Variants in KIZ observed in about 807,000 individuals in gnomAD.
KIZ encodes centrosomal protein kizuna.
A neutral mutation model predicts 79.6 loss-of-function variants in KIZ; 68 were observed. That is an observed-to-expected ratio of 0.85 (90% CI 0.70 to 1.05). The LOEUF (loss-of-function observed/expected upper bound fraction) is 1.05, where lower values mean the gene tolerates loss of function less well. Ranked by LOEUF, KIZ falls within the 50% of genes least tolerant of loss-of-function variation. KIZ has a pLI of 0.00. For missense variants in KIZ, 797 were observed against 800.4 expected (o/e 1.00, Z 0.05); for synonymous variants, 280 against 281.8 (o/e 0.99, Z 0.06).
intron 6 of KIZ, among the ~76,000 whole-genome samples, chr20:21,174,547 C>G (rs1371487958): frequency 1.3e-5 from 2 of 152,164 alleles, no homozygotes; most frequent in Non-Finnish European, 2.9e-5. Flanking sequence ...TAAGCAGTGG[C>G]AATTTGACCT....
chr20:21,180,538 A>G (rs1453841227), intron 6 of KIZ, among the ~76,000 whole-genome samples: 1 of 152,192 alleles, frequency 6.6e-6, no homozygotes, highest in South Asian at 2.1e-4. Flanking sequence ...AAATCCTACT[A>G]CGGGTGTAGC....
At chr20:21,216,894 G>A (rs1247297840) in intron 9 of KIZ, among the ~76,000 whole-genome samples, 5 of 152,108 alleles carry the variant, frequency 3.3e-5, no homozygotes, top group Non-Finnish European at 5.9e-5. Context: ...GGGAGTAGTT[G>A]ACTCTCCCCA....
At chr20:21,151,498 G>A (rs890051102) in intron 4 of KIZ, 3 of 152,096 alleles carry the variant, frequency 2.0e-5, no homozygotes, top group African/African-American at 7.2e-5. Flanking sequence ...AAAAAAAGTG[G>A]ATGAGAAGGG....
At chr20:21,127,582 G>A (rs1223841528) in intron 1 of KIZ, among the ~76,000 whole-genome samples, 2 of 152,138 alleles carry the variant, frequency 1.3e-5, no homozygotes, top group African/African-American at 4.8e-5. Context: ...GCCTGTTCAC[G>A]GTTCTGCATT....
chr20:21,244,381 C>A, intron 12 of KIZ, 93 bp downstream of exon 12: 1 of 888,636 alleles, frequency 1.1e-6, no homozygotes, highest in Non-Finnish European at 1.9e-6. Flanking sequence ...TCATGTGAGT[C>A]CTGAAGCGGG....
chr20:21,220,847 T>G (rs1001548017), intron 9 of KIZ, among the ~76,000 whole-genome samples: 5 of 152,168 alleles, frequency 3.3e-5, no homozygotes, highest in African/African-American at 9.7e-5. Context: ...TAAACATCAG[T>G]GTACATCATA....
chr20:21,182,800 C>CA (rs763359536), intron 6 of KIZ, among the ~76,000 whole-genome samples: 7,093 of 82,512 alleles, frequency 0.086, 212 homozygotes, highest in Non-Finnish European at 0.099. Context: ...GTCCCCCCAC[C>CA]AAAAAAAAAA....
intron 6 of KIZ, chr20:21,196,598 T>C (rs1028660334): frequency 6.6e-6 from 1 of 152,230 alleles, no homozygotes; most frequent in South Asian, 2.1e-4. Flanking sequence ...ATAAGAGGTA[T>C]TCATAGGTAC....
intron 10 of KIZ, among the ~76,000 whole-genome samples, chr20:21,229,585 T>C (rs529153953): frequency 6.6e-6 from 1 of 152,236 alleles, no homozygotes; most frequent in Non-Finnish European, 1.5e-5. Flanking sequence ...TATTTCATTT[T>C]ATTTTATTGT....
At chr20:21,183,892 G>C (rs2034766341) in intron 6 of KIZ, among the ~76,000 whole-genome samples, 2 of 152,084 alleles carry the variant, frequency 1.3e-5, no homozygotes, top group Non-Finnish European at 2.9e-5. Context: ...CAGTTCTTAG[G>C]CCCTGCAGCT....
At chr20:21,175,893 G>A (rs1207080189) in intron 6 of KIZ, among the ~76,000 whole-genome samples, 2 of 152,176 alleles carry the variant, frequency 1.3e-5, no homozygotes, top group African/African-American at 4.8e-5. Flanking sequence ...GCACACGCCT[G>A]TATTCCCAGC....
chr20:21,161,813 A>G, intron 4 of KIZ, 58 bp from the exon 5 acceptor site: 1 of 1,087,986 alleles, frequency 9.2e-7, no homozygotes, highest in Non-Finnish European at 1.3e-6. Context: ...AAAAAAAAAA[A>G]CCCCACCTAA....
intron 10 of KIZ, among the ~76,000 whole-genome samples, chr20:21,230,519 C>T (rs1228191116): frequency 6.6e-6 from 1 of 152,162 alleles, no homozygotes; most frequent in Non-Finnish European, 1.5e-5. Context: ...AAGGGACATA[C>T]TTACAGTACA....
chr20:21,171,634 A>G (rs1316910384), intron 6 of KIZ, among the ~76,000 whole-genome samples: 1 of 152,070 alleles, frequency 6.6e-6, no homozygotes, highest in East Asian at 1.9e-4. Context: ...TAGTAGAGAT[A>G]GGGTTTCACC....
At chr20:21,199,544 G>A (rs2035501728) in intron 6 of KIZ, among the ~76,000 whole-genome samples, 1 of 152,124 alleles carries the variant, frequency 6.6e-6, no homozygotes, top group Non-Finnish European at 1.5e-5. Context: ...CCAAGTGTTT[G>A]TGACCTTTGA....
At chr20:21,216,253 A>T (rs189671092) in intron 9 of KIZ, among the ~76,000 whole-genome samples, 6 of 152,296 alleles carry the variant, frequency 3.9e-5, no homozygotes, top group African/African-American at 1.4e-4. Context: ...ACAGAGTTCT[A>T]CTTGTCATAC....
chr20:21,188,932 TCTC>T (rs1379257466), intron 6 of KIZ, among the ~76,000 whole-genome samples: 1 of 151,958 alleles, frequency 6.6e-6, no homozygotes, highest in Non-Finnish European at 1.5e-5. Context: ...ATGGTCTCGA[TCTC>T]CTGACCTCAT....
At chr20:21,207,932 C>CA (rs1302650529) in intron 7 of KIZ, among the ~76,000 whole-genome samples, 1 of 152,126 alleles carries the variant, frequency 6.6e-6, no homozygotes, top group African/African-American at 2.4e-5. Flanking sequence ...AGGCTGATCT[C>CA]AAACTCCTGA....
rs1038141706 is a variant in KIZ at position 21,134,755 on chromosome 20, C to A, written c.153-1635C>A. 6.0e-5 allele frequency among the ~76,000 whole-genome samples: 9 copies of A among 149,078 alleles called. No homozygotes were observed. In the East Asian group the frequency reaches 1.8e-3, roughly 29 times the overall value. On this transcript the variant is annotated intron_variant, in intron 2 of 12. Transcript: ENST00000619189. ...GATCTCGGCTCACTGCAGCCTCTGCCTCCCGGGTTCAAGCAATTCTCCTGC... is the reference window on the plus strand; with the variant it reads ...GATCTCGGCTCACTGCAGCCTCTGCATCCCGGGTTCAAGCAATTCTCCTGC...
Sources: gnomAD v4.1 joint callset for allele counts (sites outside exome capture counted in the v4.1 genomes callset) on GRCh38, gnomAD v4.1.1 for gene constraint, MANE v1.5 for transcripts, NCBI Gene and HGNC (gene_info 2026-07-23, HGNC 2026-07-21) for gene names.